The following PDGFB variants were observed in gnomAD, a reference collection of about 807,000 sequenced individuals.
PDGFB encodes platelet derived growth factor subunit B.
PDGFB carries 6 observed loss-of-function variants against 29.0 expected under a neutral mutation model. The ratio of observed to expected loss-of-function variants is 0.21; its 90% CI spans 0.11 to 0.41. The LOEUF (loss-of-function observed/expected upper bound fraction) is 0.41. PDGFB is among the 10% of genes least tolerant of loss of function. PDGFB has a pLI of 1.00. For missense variants in PDGFB, 299 were observed against 341.8 expected, an observed-to-expected ratio of 0.87 and a Z score of 0.99; for synonymous variants, 144 against 140.8, an observed-to-expected ratio of 1.02 and a Z score of -0.16.
intron 2 of PDGFB, 32 bp downstream of exon 2, chr22:39,235,746 G>C: frequency 2.0e-6 from 3 of 1,501,902 alleles, no homozygotes; most frequent in Non-Finnish European, 2.8e-6. Context: ...TCTCCTCGGA[G>C]GGCCGGAGCG....
intron 1 of PDGFB, chr22:39,240,941 ACTC>A: frequency 2.5e-6 from 1 of 406,014 alleles, no homozygotes; most frequent in Non-Finnish European, 3.0e-6. Context: ...ACACACACAC[ACTC>A]TCTCTCTCTC....
chr22:39,224,383 T>G lies in PDGFB; in HGVS notation c.*959A>C, dbSNP rs1932115040. On this transcript the variant is annotated 3_prime_UTR_variant, in exon 7 of 7. Coordinates refer to ENST00000331163, the MANE Select transcript of PDGFB (RefSeq NM_002608.4). Reference sequence around the variant, plus strand: ...CACAACCTTACATGGCAGTCGTGGCTGGGTTGGAATATGATGAGCAGGTCC... The same window carrying G: ...CACAACCTTACATGGCAGTCGTGGCGGGGTTGGAATATGATGAGCAGGTCC... 6.6e-6 allele frequency: 1 copy of G among 152,364 alleles called. No homozygotes were observed. Among genetic ancestry groups the G allele is most frequent in the Non-Finnish European group, 1.5e-5 (1 of 68,066 alleles). The allele number at this position is 152,364 out of a possible 1,614,324, so 9.4% of individuals were successfully genotyped here. A position where few individuals can be genotyped will look rare whatever the true frequency, so the allele number is the denominator to read the frequency against.
chr22:39,231,754 C>T lies in PDGFB; in HGVS notation c.324G>A (p.Arg108=). 1.2e-6 allele frequency: 2 copies of T among 1,613,424 alleles called. No homozygotes were observed. The highest frequency in any genetic ancestry group is 1.1e-5 in the South Asian group (1 of 90,900). Residue 108 remains arginine (R), a synonymous_variant, in exon 4 of 7, where the codon CGG becomes CGA. Transcript: ENST00000331163. This position sits in a 1 kb window ranked among gnomAD's most constrained non-coding sequence, Gnocchi z 4.3. ...TGGCGTTGGTGCGGTCTATGAGGCG[C>T]CGGGAGATCTCGAACACCTCGGTGC... ...KTRTEVFEIS[R]RLIDRTNANF...
chr22:39,235,838 T>G lies in PDGFB; in HGVS notation c.100A>C (p.Ser34Arg). The change falls in exon 2 of 7, where the codon AGT becomes CGT. Residue 34 changes from serine (S) to arginine (R), a missense_variant. Transcript: ENST00000331163. ...PIPEELYEML[S>R]DHSIRSFDDL... ...TCAAAGGAGCGGATCGAGTGGTCAC[T>G]CAGCATCTCATAAAGCTCCTCGGGA... The G allele has an allele frequency of 6.2e-7, 1 of 1,613,954 alleles. No individual in the cohort carries two copies. The highest frequency in any genetic ancestry group is 8.5e-7 in the Non-Finnish European group (1 of 1,179,960).
rs1932635408 is a variant in PDGFB at position 39,244,035 on chromosome 22, G to A, written c.-72C>T. ...GCGCGCCGCCCCCGCGGCCAGGGTGGGGGGCTGGGGAGGGGGGTGGGCTCG... is the reference window on the plus strand; with the variant it reads ...GCGCGCCGCCCCCGCGGCCAGGGTGAGGGGCTGGGGAGGGGGGTGGGCTCG... On this transcript the variant is annotated 5_prime_UTR_variant, in exon 1 of 7. Transcript: ENST00000331163. This position sits in a 1 kb window ranked among gnomAD's most constrained non-coding sequence, Gnocchi z 4.5. 1.1e-6 allele frequency: 1 copy of A among 927,106 alleles called. No homozygotes were observed. The highest frequency in any genetic ancestry group is 1.6e-6 in the Non-Finnish European group (1 of 625,188). The allele number at this position is 927,106 out of a possible 1,614,324, so 57.4% of individuals were successfully genotyped here. A position where few individuals can be genotyped will look rare whatever the true frequency, so the allele number is the denominator to read the frequency against.
chr22:39,230,035 G>C (rs1329540172), intron 5 of PDGFB, 49 bp downstream of exon 5: 3 of 1,595,046 alleles, frequency 1.9e-6, no homozygotes, highest in African/African-American at 1.3e-5. Context: ...CCTGCCCCCA[G>C]CTGCTGCAGG....
chr22:39,225,891 G>T lies in PDGFB; in HGVS notation c.602-44C>A, dbSNP rs34202855. 9.5e-6 allele frequency: 15 copies of T among 1,584,348 alleles called. No individual in the cohort carries two copies. In the African/African-American group the frequency reaches 1.7e-4, roughly 18 times the overall value. On this transcript the variant is annotated intron_variant, in intron 5 of 6. Transcript: ENST00000331163. ...GACCTCGTCAGCATGTGGACCATTG[G>T]GGAGGTCTCTCCCCACTGACCAAGG...
chr22:39,237,075 G>T lies in PDGFB; in HGVS notation c.64-1201C>A, dbSNP rs904930825. 7.9e-5 allele frequency among the ~76,000 whole-genome samples: 12 copies of T among 152,272 alleles called. No homozygotes were observed. The Middle Eastern group carries it at 0.017, about 216-fold the overall frequency. ...GGGGGCTCAGAGGGGGTCGGTGCAG[G>T]CTACCTTCACAAAAGGGATGCTGCT... On this transcript the variant is annotated intron_variant, in intron 1 of 6. Coordinates refer to ENST00000331163, the MANE Select transcript of PDGFB (RefSeq NM_002608.4).
chr22:39,225,947 G>A, intron 5 of PDGFB, 100 bp from the exon 6 acceptor site: 2 of 1,351,642 alleles, frequency 1.5e-6, no homozygotes, highest in East Asian at 2.4e-5. Flanking sequence ...CTCAGGAAAG[G>A]GACAGGAGGG....
chr22:39,237,901 C>T (rs531725190), intron 1 of PDGFB, among the ~76,000 whole-genome samples: 70 of 152,346 alleles, frequency 4.6e-4, no homozygotes, highest in African/African-American at 1.5e-3. Context: ...ACGCCAAAGC[C>T]GGGTGCCTAG....
At chr22:39,236,429 C>G (rs1344589848) in intron 1 of PDGFB, among the ~76,000 whole-genome samples, 1 of 152,202 alleles carries the variant, frequency 6.6e-6, no homozygotes, top group Non-Finnish European at 1.5e-5. Flanking sequence ...CAGGAGGCCC[C>G]AGGTCCTAGC....
At position 39,231,344 on chromosome 22, in the gene PDGFB, G is replaced by A. The variant is rs1392150526; in HGVS notation, c.456+278C>T. Among the ~76,000 whole-genome samples the A allele has an allele frequency of 2.6e-5, 4 of 152,182 alleles. No individual in the cohort carries two copies. The highest frequency in any genetic ancestry group is 4.4e-5 in the Non-Finnish European group (3 of 68,034). On this transcript the variant is annotated intron_variant, in intron 4 of 6. Coordinates refer to ENST00000331163, the MANE Select transcript of PDGFB (RefSeq NM_002608.4). This position sits in a 1 kb window ranked among gnomAD's most constrained non-coding sequence, Gnocchi z 4.3. ...AAAGGAGGTGACATCCCTACTTCAC[G>A]TTGGCTCCACACCTCGCCCAGCCCG...
Position 39,240,875 on chromosome 22 carries a change from C to T in PDGFB, c.63+3026G>A, listed in dbSNP as rs764474564. 3.1e-6 allele frequency: 5 copies of T among 1,613,486 alleles called. No homozygotes were observed. In the African/African-American group the frequency reaches 4.0e-5, roughly 13 times the overall value. ...CTTACGAGGCCCATGATAAACATCT[C>T]ACCATTCCTGCTCAGTCAGTCTCTC... On this transcript the variant is annotated intron_variant, in intron 1 of 6. Coordinates refer to ENST00000331163, the MANE Select transcript of PDGFB (RefSeq NM_002608.4).
chr22:39,232,746 C>T (rs1259577914), intron 3 of PDGFB, among the ~76,000 whole-genome samples: 2 of 152,100 alleles, frequency 1.3e-5, no homozygotes, highest in East Asian at 1.9e-4. Context: ...CCTCAGCCTC[C>T]CAAAGTGCTA....
intron 3 of PDGFB, among the ~76,000 whole-genome samples, chr22:39,232,911 G>T (rs1009369410): frequency 1.1e-4 from 17 of 152,186 alleles, no homozygotes; most frequent in African/African-American, 3.9e-4. Context: ...GGTTTCTCTG[G>T]GACCTAATGA....
chr22:39,231,733 G>A lies in PDGFB; in HGVS notation c.345C>T (p.Asn115=), dbSNP rs768635148. The A allele has an allele frequency of 1.5e-5, 24 of 1,612,442 alleles. No individual in the cohort carries two copies. In the Admixed American group the frequency reaches 2.0e-4, roughly 13 times the overall value. Residue 115 remains asparagine, a synonymous_variant, in exon 4 of 7, where the codon AAC becomes AAT. Transcript: ENST00000331163. The surrounding 1 kb of genome is among the most constrained non-coding windows in gnomAD (Gnocchi z 4.3). ...EISRRLIDRT[N]ANFLVWPPCV... is the part of the protein sequence containing the mutation. ...AGGGCGGCCACACCAGGAAGTTGGC[G>A]TTGGTGCGGTCTATGAGGCGCCGGG...
intron 5 of PDGFB, among the ~76,000 whole-genome samples, chr22:39,229,838 C>CTTT (rs1293455437): frequency 6.6e-6 from 1 of 152,184 alleles, no homozygotes; most frequent in African/African-American, 2.4e-5. Context: ...GAGGCCTGCC[C>CTTT]GGCGGGGGTG....
At position 39,224,917 on chromosome 22, in the gene PDGFB, CA is replaced by C. The variant is rs1405128243; in HGVS notation, c.*424del. On this transcript the variant is annotated 3_prime_UTR_variant, in exon 7 of 7. Transcript: ENST00000331163. ...CTCCCCTCAGAGCTGGCCAGGGGTT[CA>C]GGGATCAGGCAGGCTATGCTGAGAG... The C allele has an allele frequency of 6.6e-6, 1 of 152,464 alleles. No individual in the cohort carries two copies. Among genetic ancestry groups the C allele is most frequent in the African/African-American group, 2.4e-5 (1 of 41,434 alleles). 9.4% of individuals were successfully genotyped at this position (152,464 alleles called of 1,614,324 possible).
At chr22:39,229,950 G>T in intron 5 of PDGFB, 134 bp downstream of exon 5, 2 of 1,078,348 alleles carry the variant, frequency 1.9e-6, no homozygotes, top group Admixed American at 2.3e-5. Flanking sequence ...TTGTGTCTCA[G>T]CAAGATGAAA....
Sources: gnomAD v4.1 joint callset for allele counts (sites outside exome capture counted in the v4.1 genomes callset) on GRCh38, gnomAD v4.1.1 for gene constraint, Gnocchi (gnomAD v3.1) non-coding constraint, MANE v1.5 for transcripts, NCBI Gene and HGNC (gene_info 2026-07-23, HGNC 2026-07-21) for gene names.